MEOX2: variants seen among roughly 807,000 people sequenced by gnomAD.
The protein encoded by MEOX2 is homeobox protein MOX-2.
A neutral mutation model predicts 27.0 loss-of-function variants in MEOX2; 11 were observed. The observed-to-expected ratio is 0.41, with a 90% CI of 0.26 to 0.68. The LOEUF (loss-of-function observed/expected upper bound fraction) is 0.68. MEOX2 is among the 30% of genes least tolerant of loss of function. The pLI, the probability that MEOX2 is intolerant of heterozygous loss-of-function variation, is 0.33. For missense variants in MEOX2, 436 were observed against 385.4 expected, an observed-to-expected ratio of 1.13 and a Z score of -1.10; for synonymous variants, 189 against 155.4, an observed-to-expected ratio of 1.22 and a Z score of -1.61.
At chr7:15,679,561 A>C (rs1172308883) in intron 1 of MEOX2, 1 of 152,122 alleles carries the variant, frequency 6.6e-6, no homozygotes, top group Non-Finnish European at 1.5e-5. Context: ...AGCTATAATC[A>C]GTACCCTAAA....
chr7:15,667,334 G>A (rs1042100310), intron 1 of MEOX2, among the ~76,000 whole-genome samples: 11 of 138,060 alleles, frequency 8.0e-5, no homozygotes, highest in African/African-American at 3.0e-4. Flanking sequence ...GAGGTGAGAG[G>A]AGTTGAGGCA....
chr7:15,661,404 T>G (rs1425049365), intron 1 of MEOX2, among the ~76,000 whole-genome samples: 1 of 152,210 alleles, frequency 6.6e-6, no homozygotes, highest in African/African-American at 2.4e-5. Context: ...TATTAGCATA[T>G]TCATGAAAAT....
intron 1 of MEOX2, among the ~76,000 whole-genome samples, chr7:15,673,283 A>T (rs1240823898): frequency 1.3e-5 from 2 of 152,208 alleles, no homozygotes; most frequent in African/African-American, 4.8e-5. Context: ...TCTGCACTTT[A>T]TAGATATTAT....
At chr7:15,655,379 A>T (rs1322015979) in intron 1 of MEOX2, among the ~76,000 whole-genome samples, 9 of 151,488 alleles carry the variant, frequency 5.9e-5, no homozygotes, top group African/African-American at 9.7e-5. Context: ...TTTCAACATC[A>T]TTGATTTCTG....
At position 15,630,049 on chromosome 7, in the gene MEOX2, T is replaced by C. The variant is rs573560155; in HGVS notation, c.518-3131A>G. Among the ~76,000 whole-genome samples the C allele has an allele frequency of 2.6e-5, 4 of 152,164 alleles. No individual in the cohort carries two copies. In the South Asian group the frequency reaches 8.3e-4, roughly 31 times the overall value. On this transcript the variant is annotated intron_variant, in intron 1 of 2. Coordinates refer to ENST00000262041, the MANE Select transcript of MEOX2 (RefSeq NM_005924.5). The stretch of plus-strand genomic sequence containing the variant: ...TTCTTCTCTACAACCACAAACAAAA[T>C]GTCACCATCTGTACAGTATATTCCA...
chr7:15,644,754 G>A (rs920526241), intron 1 of MEOX2, among the ~76,000 whole-genome samples: 1 of 152,152 alleles, frequency 6.6e-6, no homozygotes. Flanking sequence ...CTGGAGTAAT[G>A]TACAGTGAAT....
chr7:15,625,340 G>C (rs1781286563), intron 2 of MEOX2, among the ~76,000 whole-genome samples: 2 of 152,150 alleles, frequency 1.3e-5, no homozygotes, highest in Non-Finnish European at 2.9e-5. Flanking sequence ...AGGGAATTTT[G>C]TATGTGAAGT....
chr7:15,631,866 A>C (rs1378462283), intron 1 of MEOX2, among the ~76,000 whole-genome samples: 1 of 143,188 alleles, frequency 7.0e-6, no homozygotes, highest in Non-Finnish European at 1.5e-5. Flanking sequence ...AGGCTATAAA[A>C]TTTTACCAAA....
intron 1 of MEOX2, among the ~76,000 whole-genome samples, chr7:15,641,037 A>G (rs1401215183): frequency 6.6e-6 from 1 of 151,884 alleles, no homozygotes; most frequent in African/African-American, 2.4e-5. Flanking sequence ...TCGTGGTAGG[A>G]TGAGTTAGGA....
intron 1 of MEOX2, among the ~76,000 whole-genome samples, chr7:15,682,950 G>C (rs753810350): frequency 6.6e-6 from 1 of 151,894 alleles, no homozygotes; most frequent in East Asian, 1.9e-4. Flanking sequence ...TATTAAATTT[G>C]GTTATTTTCA....
chr7:15,631,477 C>G (rs1781400213), intron 1 of MEOX2, among the ~76,000 whole-genome samples: 1 of 151,638 alleles, frequency 6.6e-6, no homozygotes, highest in African/African-American at 2.4e-5. Context: ...CCTATTTATT[C>G]CTGTTAAAGG....
At chr7:15,673,597 CAAAAAAAA>C (rs35223717) in intron 1 of MEOX2, among the ~76,000 whole-genome samples, 2 of 76,194 alleles carry the variant, frequency 2.6e-5, no homozygotes, top group African/African-American at 5.1e-5. Flanking sequence ...ACAAGTCTAT[CAAAAAAAA>C]AAAAAAAAAA....
intron 1 of MEOX2, among the ~76,000 whole-genome samples, chr7:15,655,793 A>G (rs6461200): frequency 0.81 from 122,104 of 151,632 alleles, 49,666 homozygotes; most frequent in African/African-American, 0.91. Flanking sequence ...CTTGATATAT[A>G]CTTAGTGAGC....
chr7:15,634,088 T>C (rs761338787), intron 1 of MEOX2, among the ~76,000 whole-genome samples: 11 of 151,874 alleles, frequency 7.2e-5, no homozygotes, highest in Non-Finnish European at 1.3e-4. Flanking sequence ...TCCAAACATG[T>C]TTACATAGAA....
intron 1 of MEOX2, among the ~76,000 whole-genome samples, chr7:15,634,200 T>C (rs2115365825): frequency 6.6e-6 from 1 of 152,074 alleles, no homozygotes; most frequent in Non-Finnish European, 1.5e-5. Flanking sequence ...GTTCTGAACC[T>C]CAGCACTATT....
At chr7:15,678,718 G>C (rs1583794873) in intron 1 of MEOX2, among the ~76,000 whole-genome samples, 2 of 152,218 alleles carry the variant, frequency 1.3e-5, no homozygotes, top group South Asian at 4.1e-4. Flanking sequence ...GTTTTCATTT[G>C]GGTGTCATTT....
chr7:15,659,413 G>A (rs1781873059), intron 1 of MEOX2, among the ~76,000 whole-genome samples: 1 of 152,068 alleles, frequency 6.6e-6, no homozygotes, highest in South Asian at 2.1e-4. Flanking sequence ...TTATATCTGT[G>A]TCTGCTATGT....
At chr7:15,646,629 G>A (rs1434420246) in intron 1 of MEOX2, among the ~76,000 whole-genome samples, 1 of 151,888 alleles carries the variant, frequency 6.6e-6, no homozygotes, top group Non-Finnish European at 1.5e-5. Flanking sequence ...CTTCTTAAAA[G>A]AAAGTACTTC....
intron 1 of MEOX2, among the ~76,000 whole-genome samples, chr7:15,646,685 C>T (rs564696821): frequency 2.0e-5 from 3 of 151,850 alleles, no homozygotes; most frequent in Non-Finnish European, 4.4e-5. Flanking sequence ...CTCCATAATT[C>T]GTAATTACAT....
Sources: allele counts gnomAD v4.1 joint callset (sites outside exome capture counted in the v4.1 genomes callset), GRCh38; gene constraint gnomAD v4.1.1; transcripts MANE v1.5; gene names NCBI Gene and HGNC (gene_info 2026-07-23, HGNC 2026-07-21).